GRAMD4: variants seen among roughly 807,000 people sequenced by gnomAD.
GRAMD4 encodes GRAM domain containing 4.
GRAMD4 carries 25 observed loss-of-function variants against 83.9 expected under a neutral mutation model. That is an observed-to-expected ratio of 0.30 (90% confidence interval 0.22 to 0.42). The LOEUF (loss-of-function observed/expected upper bound fraction) is 0.42, where lower values mean the gene tolerates loss of function less well. GRAMD4 is among the 10% of genes least tolerant of loss of function. The probability of loss-of-function intolerance (pLI) is 1.00; values close to 1 mark genes in which losing one functional copy is unlikely to be tolerated. For missense variants in GRAMD4, 593 were observed against 788.7 expected, an observed-to-expected ratio of 0.75 and a Z score of 2.97; for synonymous variants, 336 against 320.9, an observed-to-expected ratio of 1.05 and a Z score of -0.50.
At position 46,640,687 on chromosome 22, in the gene GRAMD4, C is replaced by A. The variant is rs541206585; in HGVS notation, c.283+2727C>A. On this transcript the variant is annotated intron_variant, in intron 3 of 18. Coordinates refer to ENST00000406902, the MANE Select transcript of GRAMD4 (RefSeq NM_015124.5). The stretch of plus-strand genomic sequence containing the variant: ...AATTATGGAAAATTTCAAATGTATC[C>A]AGAAATGGAGCAAAGAGTGTCATGG... Among the ~76,000 whole-genome samples the A allele has an allele frequency of 6.0e-4, 92 of 152,206 alleles. 1 individual carries two copies. Among genetic ancestry groups the A allele is most frequent in the African/African-American group, 2.2e-3 (90 of 41,514 alleles).
chr22:46,632,216 A>T (rs1443009468), intron 2 of GRAMD4, among the ~76,000 whole-genome samples: 3 of 151,756 alleles, frequency 2.0e-5, no homozygotes, highest in Non-Finnish European at 4.4e-5. Flanking sequence ...TGGGAAGGGG[A>T]GGTAAAGGTG....
At chr22:46,616,372 C>CTG (rs1491430634), upstream of GRAMD4, among the ~76,000 whole-genome samples, 1 of 88,854 alleles carries the variant, frequency 1.1e-5, no homozygotes. Context: ...GTACGTTCCC[C>CTG]TGTGTGTAGG....
At position 46,624,291 on chromosome 22, in the gene GRAMD4, C is replaced by G. The variant is rs138483; in HGVS notation, c.-49-2460C>G. Among the ~76,000 whole-genome samples the G allele has an allele frequency of 1.8e-3, 226 of 126,288 alleles. 4 individuals carry two copies. In the East Asian group the frequency reaches 0.048, roughly 27 times the overall value. The allele number at this position is 126,288 out of a possible 152,430, so 82.8% of individuals were successfully genotyped here. A position where few individuals can be genotyped will look rare whatever the true frequency, so the allele number is the denominator to read the frequency against. The stretch of plus-strand genomic sequence containing the variant: ...TATAGACTCTTCCATCTTCTTCTCT[C>G]TAGGGATTTCATAGCTACTAAGTTC... On this transcript the variant is annotated intron_variant, in intron 1 of 18. Transcript: ENST00000406902.
At chr22:46,643,866 T>A (rs1290832616) in intron 3 of GRAMD4, among the ~76,000 whole-genome samples, 1 of 152,218 alleles carries the variant, frequency 6.6e-6, no homozygotes, top group Non-Finnish European at 1.5e-5. Context: ...ATTCTTTTTT[T>A]AAGTTAAATT....
chr22:46,666,714 C>T (rs1411154698), intron 9 of GRAMD4, 111 bp from the exon 10 acceptor site: 3 of 881,690 alleles, frequency 3.4e-6, no homozygotes, highest in Non-Finnish European at 5.8e-6. Flanking sequence ...CATAGAAGGA[C>T]CTAGAAGGGC....
chr22:46,638,018 A>G (rs2081916876), intron 3 of GRAMD4, 58 bp downstream of exon 3: 5 of 1,574,546 alleles, frequency 3.2e-6, no homozygotes, highest in Non-Finnish European at 4.3e-6. Context: ...GGTGGCTGAG[A>G]TGGGGGATGT....
intron 1 of GRAMD4, among the ~76,000 whole-genome samples, chr22:46,591,935 A>G (rs1015334605): frequency 1.1e-5 from 1 of 89,782 alleles, no homozygotes; most frequent in Non-Finnish European, 2.0e-5. Flanking sequence ...AGCATCTGTG[A>G]TATCAGTGGA....
Position 46,678,131 on chromosome 22 carries a change from G to C in GRAMD4, c.*880G>C. ...CCGCGAAGGCTGTTGGAGGTGCTCC[G>C]AGCACTGTGGCATGTCTGGCACATG... On this transcript the variant is annotated 3_prime_UTR_variant, in exon 19 of 19. Coordinates refer to ENST00000406902, the MANE Select transcript of GRAMD4 (RefSeq NM_015124.5). 2.0e-6 allele frequency: 2 copies of C among 985,608 alleles called. No individual in the cohort carries two copies. Among genetic ancestry groups the C allele is most frequent in the Non-Finnish European group, 2.4e-6 (2 of 830,040 alleles). 61.1% of individuals were successfully genotyped at this position (985,608 alleles called of 1,614,324 possible).
intron 1 of GRAMD4, among the ~76,000 whole-genome samples, chr22:46,595,796 C>A (rs1055709284): frequency 6.6e-6 from 1 of 152,256 alleles, no homozygotes; most frequent in Non-Finnish European, 1.5e-5. Context: ...CAGGTGAGCA[C>A]CCCATCTGAC....
intron 1 of GRAMD4, among the ~76,000 whole-genome samples, chr22:46,586,065 G>A (rs2081146831): frequency 6.6e-6 from 1 of 152,020 alleles, no homozygotes; most frequent in Admixed American, 6.5e-5. Flanking sequence ...CCTATGGAGT[G>A]TGTCTAAGGA....
In GRAMD4 at chr22:46,668,184, C is replaced by G; in HGVS notation, c.930+17C>G. On this transcript the variant is annotated intron_variant, in intron 11 of 18. Coordinates refer to ENST00000406902, the MANE Select transcript of GRAMD4 (RefSeq NM_015124.5). The stretch of plus-strand genomic sequence containing the variant: ...AAAGCCCAGGTACTGCCACGGGCGC[C>G]GGCCAGGGGTGTGTCTGCGCCAGCC... 1 of 1,590,924 alleles carries G rather than the reference C, an allele frequency of 6.3e-7. No individual in the cohort carries two copies. Among genetic ancestry groups the G allele is most frequent in the Non-Finnish European group, 8.6e-7 (1 of 1,161,546 alleles).
chr22:46,665,522 C>A, intron 8 of GRAMD4, 93 bp from the exon 9 acceptor site: 1 of 701,226 alleles, frequency 1.4e-6, no homozygotes, highest in South Asian at 1.6e-5. Context: ...CTGGTCTCCC[C>A]ACTGGGGCCG....
chr22:46,636,054 G>C (rs2081882445), intron 2 of GRAMD4, among the ~76,000 whole-genome samples: 1 of 151,938 alleles, frequency 6.6e-6, no homozygotes, highest in Admixed American at 6.5e-5. Context: ...TTAGCCCCCG[G>C]GGTCTGTCCT....
chr22:46,662,585 C>T (rs2082344712), intron 5 of GRAMD4, among the ~76,000 whole-genome samples: 1 of 152,248 alleles, frequency 6.6e-6, no homozygotes, highest in South Asian at 2.1e-4. Flanking sequence ...CCCGCTGCGC[C>T]ATCCATTGGC....
chr22:46,647,136 G>T (rs372387335), intron 3 of GRAMD4, among the ~76,000 whole-genome samples: 74 of 152,180 alleles, frequency 4.9e-4, no homozygotes, highest in African/African-American at 1.7e-3. Context: ...GGTTGGTCTG[G>T]TTCTGCCCTA....
At chr22:46,670,274 G>C (rs979656231) in intron 13 of GRAMD4, among the ~76,000 whole-genome samples, 1 of 152,264 alleles carries the variant, frequency 6.6e-6, no homozygotes, top group African/African-American at 2.4e-5. Flanking sequence ...GCTGGTGGGA[G>C]GACAGGCCTC....
chr22:46,614,812 G>C lies in GRAMD4; in HGVS notation c.-49-11939G>C, dbSNP rs1448180592. On this transcript the variant is annotated intron_variant, in intron 1 of 1. Coordinates refer to the GRAMD4 transcript ENST00000431155. ...CGTGTGAAGGTTCCCCCGTGTGTAG[G>C]TTCCCCTGTGCTTTATAGGTTCTCC... 6.3e-5 allele frequency among the ~76,000 whole-genome samples: 9 copies of C among 142,964 alleles called. No individual in the cohort carries two copies. The South Asian group carries it at 1.9e-3, about 30-fold the overall frequency. 93.8% of individuals were successfully genotyped at this position (142,964 alleles called of 152,430 possible).
chr22:46,607,376 A>G (rs2081376035), intron 1 of GRAMD4, among the ~76,000 whole-genome samples: 1 of 152,180 alleles, frequency 6.6e-6, no homozygotes, highest in Non-Finnish European at 1.5e-5. Flanking sequence ...AATAGTCGCC[A>G]ATAGTTATGG....
intron 1 of GRAMD4, among the ~76,000 whole-genome samples, chr22:46,592,053 C>T (rs1427760807): frequency 2.0e-5 from 3 of 152,030 alleles, no homozygotes; most frequent in Admixed American, 6.6e-5. Flanking sequence ...AAGGGCATCA[C>T]GGCACATTCC....
Sources: allele counts gnomAD v4.1 joint callset (sites outside exome capture counted in the v4.1 genomes callset), GRCh38; gene constraint gnomAD v4.1.1; transcripts MANE v1.5; gene names NCBI Gene and HGNC (gene_info 2026-07-23, HGNC 2026-07-21).